The following GDAP1 variants were observed in gnomAD, a reference collection of about 807,000 sequenced individuals.
The protein encoded by GDAP1 is ganglioside induced differentiation associated protein 1.
A neutral mutation model predicts 40.1 loss-of-function variants in GDAP1; 34 were observed. The ratio of observed to expected loss-of-function variants is 0.85; its 90% CI spans 0.64 to 1.13. GDAP1 has a LOEUF of 1.13. Ranked by LOEUF, GDAP1 falls within the 50% of genes most tolerant of loss-of-function variation. GDAP1 has a pLI of 0.00. For missense variants in GDAP1, 374 were observed against 433.7 expected (o/e 0.86, Z 1.22); for synonymous variants, 170 against 157.4 (o/e 1.08, Z -0.60).
At position 74,366,800 on chromosome 8, in the gene GDAP1, T is replaced by G. The variant is rs1249836097; in HGVS notation, c.*2433T>G. On this transcript the variant is annotated 3_prime_UTR_variant, in exon 6 of 6. Coordinates refer to ENST00000220822, the MANE Select transcript of GDAP1 (RefSeq NM_018972.4). ...GTTGTAGATTTTTGGTGTTGTTGAATGCAGTAGAGAGACCAAGACACTATT... is the reference window on the plus strand; with the variant it reads ...GTTGTAGATTTTTGGTGTTGTTGAAGGCAGTAGAGAGACCAAGACACTATT... 2.2e-6 allele frequency: 1 copy of G among 453,908 alleles called. No individual in the cohort carries two copies. The highest frequency in any genetic ancestry group is 4.4e-6 in the Non-Finnish European group (1 of 226,688). The allele number at this position is 453,908 out of a possible 1,614,324, so 28.1% of individuals were successfully genotyped here.
rs185805061 is a variant in GDAP1 at position 74,448,125 on chromosome 8, A to T, written c.166-40553A>T. On this transcript the variant is annotated intron_variant, in intron 2 of 2. Transcript: ENST00000523640. ...TGAAATTAACTTTAGTGCAATGTGC[A>T]GATAGAACCATTCCTTCACCTTAGA... is the stretch of plus-strand genomic sequence containing the variant. Among the ~76,000 whole-genome samples the T allele has an allele frequency of 7.2e-5, 11 of 152,310 alleles. No individual in the cohort carries two copies. The East Asian group carries it at 1.7e-3, about 24-fold the overall frequency.
chr8:74,398,198 A>G (rs369541043), intron 2 of GDAP1, among the ~76,000 whole-genome samples: 1 of 152,116 alleles, frequency 6.6e-6, no homozygotes, highest in Non-Finnish European at 1.5e-5. Context: ...ATTTTTGTAC[A>G]TGTTCATGTA....
At chr8:74,371,867 G>A (rs1334652714), downstream of GDAP1, among the ~76,000 whole-genome samples, 4 of 151,802 alleles carry the variant, frequency 2.6e-5, no homozygotes, top group Non-Finnish European at 4.4e-5. Flanking sequence ...TTGGTGTGCT[G>A]CACCCATTAA....
At chr8:74,461,289 A>G (rs965747769) in intron 2 of GDAP1, among the ~76,000 whole-genome samples, 6 of 152,232 alleles carry the variant, frequency 3.9e-5, no homozygotes, top group African/African-American at 1.4e-4. Context: ...CCGGGAAAGC[A>G]GAACATTAAT....
At chr8:74,467,354 G>T (rs1320828542) in intron 2 of GDAP1, among the ~76,000 whole-genome samples, 1 of 152,184 alleles carries the variant, frequency 6.6e-6, no homozygotes, top group Non-Finnish European at 1.5e-5. Context: ...TCTGAGCCAG[G>T]TTCAGCTTCC....
intron 2 of GDAP1, among the ~76,000 whole-genome samples, chr8:74,470,642 C>T (rs940251624): frequency 4.9e-4 from 74 of 152,308 alleles, no homozygotes; most frequent in African/African-American, 1.7e-3. Context: ...TTCTCTTAAT[C>T]CAGTCTATCA....
In GDAP1 at chr8:74,360,125, T is replaced by A; in HGVS notation, c.311-12T>A. 1 of 1,600,258 alleles carries A rather than the reference T, an allele frequency of 6.2e-7. No individual in the cohort carries two copies. Among genetic ancestry groups the A allele is most frequent in the Non-Finnish European group, 8.6e-7 (1 of 1,167,396 alleles). Reference sequence around the variant, plus strand: ...TAACTTTTTCTTCAATATTTGTGTGTGTGTATTTTAGAAAGAACACCCAGG... The same window carrying A: ...TAACTTTTTCTTCAATATTTGTGTGAGTGTATTTTAGAAAGAACACCCAGG... On this transcript the variant is annotated splice_polypyrimidine_tract_variant and intron_variant, in intron 2 of 5. Transcript: ENST00000220822.
At chr8:74,475,641 T>A (rs1236866845) in intron 2 of GDAP1, among the ~76,000 whole-genome samples, 1 of 152,210 alleles carries the variant, frequency 6.6e-6, no homozygotes, top group Non-Finnish European at 1.5e-5. Flanking sequence ...CCCTGTGGTC[T>A]GAAAGAGTTG....
intron 2 of GDAP1, among the ~76,000 whole-genome samples, chr8:74,412,199 A>G (rs888537398): frequency 6.7e-6 from 1 of 150,210 alleles, no homozygotes; most frequent in Non-Finnish European, 1.5e-5. Context: ...GTTAAAAATC[A>G]GATTATAGTT....
At chr8:74,367,394 T>C (rs1809677938), downstream of GDAP1, among the ~76,000 whole-genome samples, 1 of 152,190 alleles carries the variant, frequency 6.6e-6, no homozygotes, top group African/African-American at 2.4e-5. Context: ...CATTTTGCAC[T>C]GAACAAAGCA....
At chr8:74,391,755 T>C (rs1810113321) in intron 2 of GDAP1, among the ~76,000 whole-genome samples, 1 of 152,112 alleles carries the variant, frequency 6.6e-6, no homozygotes, top group Non-Finnish European at 1.5e-5. Flanking sequence ...TATTAGGACA[T>C]AGCAAAATAT....
chr8:74,356,031 ATAGT>A (rs1157711422), intron 2 of GDAP1, among the ~76,000 whole-genome samples: 3 of 152,154 alleles, frequency 2.0e-5, no homozygotes, highest in Non-Finnish European at 4.4e-5. Flanking sequence ...TATATTAAAA[ATAGT>A]TATTTAAGGA....
intron 2 of GDAP1, among the ~76,000 whole-genome samples, chr8:74,442,988 C>G (rs1806180698): frequency 6.6e-6 from 1 of 152,182 alleles, no homozygotes; most frequent in Admixed American, 6.5e-5. Context: ...CTGCTAGACT[C>G]TAAAATGAAT....
intron 2 of GDAP1, among the ~76,000 whole-genome samples, chr8:74,475,100 T>C (rs1806609583): frequency 6.6e-6 from 1 of 152,192 alleles, no homozygotes; most frequent in African/African-American, 2.4e-5. Context: ...TAGTTATTTG[T>C]ATATCTGTGG....
intron 2 of GDAP1, among the ~76,000 whole-genome samples, chr8:74,399,030 C>T (rs1344533961): frequency 6.6e-6 from 1 of 151,840 alleles, no homozygotes; most frequent in Non-Finnish European, 1.5e-5. Flanking sequence ...TGTGTCTCTG[C>T]CCGGCTTTGG....
At chr8:74,410,286 T>C (rs1805693424) in intron 2 of GDAP1, among the ~76,000 whole-genome samples, 1 of 149,834 alleles carries the variant, frequency 6.7e-6, no homozygotes, top group African/African-American at 2.5e-5. Flanking sequence ...AATCTTAAAT[T>C]GATTGAATTT....
intron 2 of GDAP1, among the ~76,000 whole-genome samples, chr8:74,455,523 C>T (rs1351462660): frequency 6.6e-6 from 1 of 151,886 alleles, no homozygotes; most frequent in Non-Finnish European, 1.5e-5. Context: ...AAAGAATTTT[C>T]ATTCATTTAA....
chr8:74,472,618 A>G (rs1212396380), intron 2 of GDAP1, among the ~76,000 whole-genome samples: 2 of 152,154 alleles, frequency 1.3e-5, no homozygotes, highest in South Asian at 2.1e-4. Context: ...TGACTTTTTA[A>G]TAATAGCCAT....
In GDAP1 at chr8:74,365,117, C is replaced by T. The variant is rs1237331914; in HGVS notation, c.*750C>T. 3 of 453,964 alleles carry T rather than the reference C, an allele frequency of 6.6e-6. No individual in the cohort carries two copies. In the Admixed American group the frequency reaches 7.1e-5, roughly 11 times the overall value. The allele number at this position is 453,964 out of a possible 1,614,324, so 28.1% of individuals were successfully genotyped here. On this transcript the variant is annotated 3_prime_UTR_variant, in exon 6 of 6. Coordinates refer to ENST00000220822, the MANE Select transcript of GDAP1 (RefSeq NM_018972.4). ...TGGCATCTGTAGCCCTCTTCATACA[C>T]ATAAGTGGCATTTAGGTGAATGTCC...
Sources: allele counts gnomAD v4.1 joint callset (sites outside exome capture counted in the v4.1 genomes callset), GRCh38; gene constraint gnomAD v4.1.1; transcripts MANE v1.5; gene names NCBI Gene and HGNC (gene_info 2026-07-23, HGNC 2026-07-21).